Variants in NUGGC observed in about 807,000 individuals in gnomAD.
NUGGC encodes the protein nuclear GTPase SLIP-GC.
NUGGC carries 58 observed loss-of-function variants against 92.6 expected under a neutral mutation model. That is an observed-to-expected ratio of 0.63 (90% CI 0.51 to 0.78). The LOEUF (loss-of-function observed/expected upper bound fraction) is 0.78, where lower values mean the gene tolerates loss of function less well. Among genes scored for constraint, NUGGC ranks in the 30% least tolerant of loss-of-function variants. The pLI, the probability that NUGGC is intolerant of heterozygous loss-of-function variation, is 0.00. For missense variants in NUGGC, 925 were observed against 964.6 expected (o/e 0.96, Z 0.54); for synonymous variants, 376 against 366.4 (o/e 1.03, Z -0.30).
rs1291943623 is a variant in NUGGC, at chr8:28,033,756, G to T, written c.1612-59C>A. 1.0e-5 allele frequency: 15 copies of T among 1,439,654 alleles called. 1 individual carries two copies. In the South Asian group the frequency reaches 1.5e-4, roughly 15 times the overall value. The allele number at this position is 1,439,654 out of a possible 1,614,324, so 89.2% of individuals were successfully genotyped here. On this transcript the variant is annotated intron_variant, in intron 13 of 18. Coordinates refer to ENST00000413272, the MANE Select transcript of NUGGC (RefSeq NM_001010906.2). ...CATTAACTGGAAGGTCACTGGATTA[G>T]AATTGCATTGCCCTGGCCAAAGATC...
In NUGGC at chr8:28,031,316, T is replaced by C; in HGVS notation, c.1835A>G (p.Glu612Gly). The C allele has an allele frequency of 6.2e-7, 1 of 1,614,010 alleles. No individual in the cohort carries two copies. The highest frequency in any genetic ancestry group is 8.5e-7 in the Non-Finnish European group (1 of 1,179,852). Residue 612 changes from glutamate (E) to glycine (G), a missense_variant, in exon 15 of 19, where the codon GAG (glutamate) becomes GGG (glycine). Coordinates refer to ENST00000413272, the MANE Select transcript of NUGGC (RefSeq NM_001010906.2). The stretch of plus-strand genomic sequence containing the variant: ...TCTTATCCCAATTTCTGTCATTTTC[T>C]CCTGCAGGGACTGCTTAAAAGCATC... Reference protein sequence around the residue: ...HIDAFKQSLQEKMTEIGIRSG... With the variant: ...HIDAFKQSLQGKMTEIGIRSG...
chr8:28,079,944 G>GTTTA (rs1810809859), intron 1 of NUGGC, among the ~76,000 whole-genome samples: 1 of 151,836 alleles, frequency 6.6e-6, no homozygotes, highest in Non-Finnish European at 1.5e-5. Context: ...TTGTTTGTTT[G>GTTTA]TTTGTTTGTT....
chr8:28,029,854 C>T (rs749661305), intron 16 of NUGGC, among the ~76,000 whole-genome samples: 6 of 152,026 alleles, frequency 3.9e-5, no homozygotes, highest in Non-Finnish European at 8.8e-5. Context: ...ATAAAAATAA[C>T]ACTTTATATG....
chr8:28,033,012 T>C (rs945632215), intron 14 of NUGGC, among the ~76,000 whole-genome samples: 2 of 152,036 alleles, frequency 1.3e-5, no homozygotes, highest in African/African-American at 4.8e-5. Context: ...TTTTAAAAGT[T>C]AGCCAGGCAT....
intron 10 of NUGGC, among the ~76,000 whole-genome samples, chr8:28,048,082 T>C (rs1000658): frequency 0.19 from 28,540 of 152,162 alleles, 2,748 homozygotes; most frequent in South Asian, 0.23. Context: ...TGGGACTGTT[T>C]CAGTCCTGAA....
chr8:28,070,234 CAGTTCCA>C lies in NUGGC; in HGVS notation c.148+11_148+17del. On this transcript the variant is annotated intron_variant, in intron 3 of 18. Coordinates refer to ENST00000413272, the MANE Select transcript of NUGGC (RefSeq NM_001010906.2). ...ACAGAACCGAACCATGTTAAAACAA[CAGTTCCA>C]AGACACTCACATTCCTTAAGAGCAC... 6.5e-7 allele frequency: 1 copy of C among 1,530,500 alleles called. No individual in the cohort carries two copies. The highest frequency in any genetic ancestry group is 8.9e-7 in the Non-Finnish European group (1 of 1,129,812). The allele number at this position is 1,530,500 out of a possible 1,614,324, so 94.8% of individuals were successfully genotyped here.
intron 3 of NUGGC, among the ~76,000 whole-genome samples, chr8:28,069,892 T>C (rs1407020107): frequency 6.6e-6 from 1 of 152,248 alleles, no homozygotes; most frequent in Non-Finnish European, 1.5e-5. Context: ...ACAGAAGTTA[T>C]GGTATGCTTG....
intron 12 of NUGGC, among the ~76,000 whole-genome samples, chr8:28,043,527 T>C (rs749239697): frequency 2.6e-5 from 4 of 152,226 alleles, no homozygotes; most frequent in South Asian, 2.1e-4. Context: ...CAAGGAATTT[T>C]GAGCAAAGTT....
intron 1 of NUGGC, among the ~76,000 whole-genome samples, chr8:28,082,184 A>G (rs1810867828): frequency 6.6e-6 from 1 of 152,204 alleles, no homozygotes; most frequent in African/African-American, 2.4e-5. Context: ...CTCTAAAGGA[A>G]AAGAGGTATG....
rs1192865024 is a variant in NUGGC, at chr8:28,022,471, T to A, written c.*846A>T. On this transcript the variant is annotated 3_prime_UTR_variant, in exon 19 of 19. Coordinates refer to ENST00000413272, the MANE Select transcript of NUGGC (RefSeq NM_001010906.2). ...CCATGCCCAGCGATGTTTAGATGTTTTTGCGGAAGCAAAAGTTTCTTGCCC... is the reference window on the plus strand; with the variant it reads ...CCATGCCCAGCGATGTTTAGATGTTATTGCGGAAGCAAAAGTTTCTTGCCC... The A allele has an allele frequency of 1.3e-5, 2 of 152,196 alleles. No homozygotes were observed. The highest frequency in any genetic ancestry group is 4.8e-5 in the African/African-American group (2 of 41,448). 9.4% of individuals were successfully genotyped at this position (152,196 alleles called of 1,614,324 possible).
At chr8:28,045,691 T>G (rs1217240381) in intron 11 of NUGGC, 31 bp from the exon 12 acceptor site, 20 of 1,602,546 alleles carry the variant, frequency 1.2e-5, no homozygotes, top group Non-Finnish European at 1.7e-5. Context: ...AAATAATTGT[T>G]AAAGGCCAGA....
chr8:28,041,152 T>C lies in NUGGC; in HGVS notation c.1510A>G (p.Lys504Glu). The C allele has an allele frequency of 6.2e-7, 1 of 1,611,182 alleles. No homozygotes were observed. The highest frequency in any genetic ancestry group is 1.7e-4 in the Middle Eastern group (1 of 6,060). Reference sequence around the variant, plus strand: ...CAGGCGAAGCACTGTGCGATGGCCTTCTCCAGCAGCTCAACCTTCTCTTCC... The same window carrying C: ...CAGGCGAAGCACTGTGCGATGGCCTCCTCCAGCAGCTCAACCTTCTCTTCC... ...FAEEKVELLE[K>E]AIAQCFACME... Residue 504 changes from lysine to glutamate, a missense_variant, in exon 13 of 19, where the codon AAG (lysine) becomes GAG (glutamate). Lys to Glu is a moderately conservative substitution (Grantham distance 56). Coordinates refer to ENST00000413272, the MANE Select transcript of NUGGC (RefSeq NM_001010906.2).
At chr8:28,051,284 AGGGAGTCAGCTTAAAG>A (rs1809995133) in intron 10 of NUGGC, among the ~76,000 whole-genome samples, 1 of 152,222 alleles carries the variant, frequency 6.6e-6, no homozygotes, top group African/African-American at 2.4e-5. Flanking sequence ...GTAATGCTAA[AGGGAGTCAGCTTAAAG>A]GGTTCCCACT....
intron 13 of NUGGC, among the ~76,000 whole-genome samples, chr8:28,039,934 C>T (rs1809650260): frequency 6.6e-6 from 1 of 152,162 alleles, no homozygotes; most frequent in South Asian, 2.1e-4. Context: ...AAGGGTGGGG[C>T]CCTGATCTGA....
intron 13 of NUGGC, among the ~76,000 whole-genome samples, chr8:28,039,741 A>G (rs564662786): frequency 6.6e-6 from 1 of 152,256 alleles, no homozygotes; most frequent in South Asian, 2.1e-4. Flanking sequence ...CAGACCATCC[A>G]TGCACTTCTC....
rs931945803 is a variant in NUGGC, at chr8:28,033,631, C to G, written c.1678G>C (p.Ala560Pro). The G allele has an allele frequency of 3.1e-6, 5 of 1,613,944 alleles. No homozygotes were observed. Among genetic ancestry groups the G allele is most frequent in the Non-Finnish European group, 4.2e-6 (5 of 1,179,832 alleles). The change falls in exon 14 of 19, where the codon GCC becomes CCC. Residue 560 changes from alanine (A) to proline (P), a missense_variant. Physicochemically the swap from Ala to Pro is conservative, Grantham distance 27. Coordinates refer to ENST00000413272, the MANE Select transcript of NUGGC (RefSeq NM_001010906.2). Reference protein sequence around the residue: ...KAVCLKNGIYASRTLARIDLN... With the variant: ...KAVCLKNGIYPSRTLARIDLN... ...TCAATTCTCGCCAGAGTCCTGGAGG[C>G]ATAGATGCCATTTTTCAGGCAAACA... is the stretch of plus-strand genomic sequence containing the variant.
intron 13 of NUGGC, among the ~76,000 whole-genome samples, chr8:28,037,844 G>A (rs561038740): frequency 1.3e-5 from 2 of 152,174 alleles, no homozygotes; most frequent in South Asian, 4.2e-4. Context: ...GAAGAGTGGG[G>A]GCTGCTACCA....
rs768214612 is a variant in NUGGC at position 28,067,511 on chromosome 8, T to A, written c.711+3A>T. 6.3e-7 allele frequency: 1 copy of A among 1,595,140 alleles called. No individual in the cohort carries two copies. The highest frequency in any genetic ancestry group is 8.6e-7 in the Non-Finnish European group (1 of 1,168,862). On this transcript the variant is annotated splice_donor_region_variant and intron_variant, in intron 6 of 18. Coordinates refer to ENST00000413272, the MANE Select transcript of NUGGC (RefSeq NM_001010906.2). The stretch of plus-strand genomic sequence containing the variant: ...ATCAAGGAAAAAACGAACTTGACGC[T>A]ACCTCTTCCGCCTTGAGGGTGATGA...
chr8:28,036,490 A>G (rs996857879), intron 13 of NUGGC, among the ~76,000 whole-genome samples: 2 of 152,164 alleles, frequency 1.3e-5, no homozygotes, highest in Non-Finnish European at 1.5e-5. Flanking sequence ...CTTCAGTTCC[A>G]TATTTCCAAC....
Sources: allele counts gnomAD v4.1 joint callset (sites outside exome capture counted in the v4.1 genomes callset), GRCh38; gene constraint gnomAD v4.1.1; transcripts MANE v1.5; gene names NCBI Gene and HGNC (gene_info 2026-07-23, HGNC 2026-07-21).